The following ATP10B variants were observed in gnomAD, a reference collection of about 807,000 sequenced individuals.
The protein encoded by ATP10B is phospholipid-transporting ATPase VB.
In ATP10B, 122 loss-of-function variants were observed where a neutral mutation model predicts 141.2. The ratio of observed to expected loss-of-function variants is 0.86; its 90% confidence interval spans 0.75 to 1.00. The LOEUF is 1.00. Among genes scored for constraint, ATP10B ranks in the 50% least tolerant of loss-of-function variants. The probability of loss-of-function intolerance (pLI) is 0.00; values close to 1 mark genes in which losing one functional copy is unlikely to be tolerated. For synonymous variants in ATP10B, 685 were observed against 692.0 expected, an observed-to-expected ratio of 0.99 and a Z score of 0.16; for missense variants, 1,876 against 1,825.3, an observed-to-expected ratio of 1.03 and a Z score of -0.51.
intron 1 of ATP10B, among the ~76,000 whole-genome samples, chr5:160,792,595 C>T (rs1008262009): frequency 2.0e-5 from 3 of 152,106 alleles, no homozygotes; most frequent in African/African-American, 4.8e-5. Context: ...TCACCTTGGA[C>T]CCAGAGATGG....
chr5:160,748,690 G>A (rs559569532), intron 2 of ATP10B, among the ~76,000 whole-genome samples: 24 of 152,278 alleles, frequency 1.6e-4, no homozygotes, highest in African/African-American at 5.3e-4. Flanking sequence ...TCACAGGCAG[G>A]ATTTTTTTCC....
chr5:160,634,893 A>G (rs1339835158), intron 11 of ATP10B, among the ~76,000 whole-genome samples: 1 of 151,972 alleles, frequency 6.6e-6, no homozygotes, highest in Non-Finnish European at 1.5e-5. Context: ...GAGTCCTCTG[A>G]CTCCCTTTAG....
chr5:160,629,867 C>T (rs1278150495), intron 13 of ATP10B, among the ~76,000 whole-genome samples: 2 of 152,156 alleles, frequency 1.3e-5, no homozygotes, highest in African/African-American at 2.4e-5. Context: ...GGAAGTTAGC[C>T]TGCAGGTCAG....
intron 1 of ATP10B, among the ~76,000 whole-genome samples, chr5:160,793,509 T>C (rs1364807122): frequency 1.3e-5 from 2 of 152,212 alleles, no homozygotes; most frequent in Non-Finnish European, 2.9e-5. Context: ...CTAAATAACA[T>C]CTTGATCAAC....
chr5:160,913,247 T>C, the ATP10B span, among the ~76,000 whole-genome samples: 3 of 152,172 alleles, frequency 2.0e-5, no homozygotes, highest in African/African-American at 7.2e-5. Context: ...TGAACCACAC[T>C]GTGAAACTCA....
chr5:160,636,687 C>T (rs560425931), intron 10 of ATP10B, among the ~76,000 whole-genome samples: 2 of 151,946 alleles, frequency 1.3e-5, no homozygotes, highest in Non-Finnish European at 2.9e-5. Flanking sequence ...GAGACCTGTC[C>T]CCTAGTCTTC....
At chr5:160,625,339 A>T (rs1187088265) in intron 13 of ATP10B, among the ~76,000 whole-genome samples, 3 of 152,184 alleles carry the variant, frequency 2.0e-5, no homozygotes, top group African/African-American at 7.2e-5. Context: ...TGTATATCTA[A>T]TCCTTAAGGC....
chr5:160,726,273 G>A (rs781138179), intron 2 of ATP10B, among the ~76,000 whole-genome samples: 1 of 152,196 alleles, frequency 6.6e-6, no homozygotes, highest in Admixed American at 6.5e-5. Flanking sequence ...TGCCTGGCAT[G>A]CAAGCCCAGC....
At chr5:160,755,372 C>T (rs1768452067) in intron 2 of ATP10B, among the ~76,000 whole-genome samples, 2 of 152,118 alleles carry the variant, frequency 1.3e-5, no homozygotes, top group African/African-American at 4.8e-5. Context: ...CAAACAATAT[C>T]AGTGTCATTA....
chr5:160,827,910 C>T (rs1000759597), intron 1 of ATP10B, among the ~76,000 whole-genome samples: 3 of 152,042 alleles, frequency 2.0e-5, no homozygotes, highest in Non-Finnish European at 4.4e-5. Context: ...AGATATGTGG[C>T]GTTATTTCTG....
At chr5:160,834,755 T>C (rs1294371110) in intron 1 of ATP10B, among the ~76,000 whole-genome samples, 1 of 152,154 alleles carries the variant, frequency 6.6e-6, no homozygotes, top group East Asian at 1.9e-4. Flanking sequence ...CCTTGTGGTA[T>C]ACGTTTCTTC....
intron 24 of ATP10B, among the ~76,000 whole-genome samples, chr5:160,579,529 TCTGTTTTGGTACCAGTACCATG>T (rs1451865322): frequency 1.3e-5 from 2 of 152,178 alleles, no homozygotes; most frequent in African/African-American, 4.8e-5. Flanking sequence ...GGTTTATATA[TCTGTTTTGGTACCAGTACCATG>T]CTGTTTTGGT....
the ATP10B span, among the ~76,000 whole-genome samples, chr5:160,893,622 GAAGACTTAAAT>G: frequency 5.9e-5 from 9 of 152,352 alleles, no homozygotes; most frequent in East Asian, 1.7e-3. Flanking sequence ...TGCAGCTTCA[GAAGACTTAAAT>G]ATTCCTGCCT....
intron 10 of ATP10B, among the ~76,000 whole-genome samples, chr5:160,637,406 G>T (rs1759500419): frequency 6.6e-6 from 1 of 152,072 alleles, no homozygotes; most frequent in African/African-American, 2.4e-5. Context: ...ATTAATTCAA[G>T]AAGTTAGTAC....
In ATP10B at chr5:160,838,145, T is replaced by C. The variant is rs140283222; in HGVS notation, c.-576+13796A>G. Among the ~76,000 whole-genome samples the C allele has an allele frequency of 2.9e-3, 437 of 152,320 alleles. 1 individual carries two copies. The highest frequency in any genetic ancestry group is 9.0e-3 in the African/African-American group (376 of 41,572). On this transcript the variant is annotated intron_variant, in intron 1 of 25. Coordinates refer to ENST00000327245, the MANE Select transcript of ATP10B (RefSeq NM_025153.3). ...CATGACGCCTCTCTTCTCTGCTTTA[T>C]GTAGCATGAAGTTGGAAAACTACAT...
intron 1 of ATP10B, among the ~76,000 whole-genome samples, chr5:160,794,269 A>G (rs1771793762): frequency 2.0e-5 from 3 of 152,114 alleles, no homozygotes; most frequent in Admixed American, 2.0e-4. Context: ...CAGGATGGTG[A>G]ATGTCTACTG....
intron 7 of ATP10B, among the ~76,000 whole-genome samples, chr5:160,664,807 G>A (rs1762221859): frequency 6.6e-6 from 1 of 152,164 alleles, no homozygotes; most frequent in Non-Finnish European, 1.5e-5. Flanking sequence ...CCAGGGACAT[G>A]TTTGATCTGA....
At position 160,563,255 on chromosome 5, in the gene ATP10B, C is replaced by A. The variant is rs925783372; in HGVS notation, c.*2198G>T. On this transcript the variant is annotated 3_prime_UTR_variant, in exon 26 of 26. Coordinates refer to ENST00000327245, the MANE Select transcript of ATP10B (RefSeq NM_025153.3). ...TGTTATAGGGGAATAGTGGTTATAA[C>A]TTTTCCCTGTAAGATGGCACATTGG... 2 of 152,132 alleles carry A rather than the reference C, an allele frequency of 1.3e-5. No individual in the cohort carries two copies. The highest frequency in any genetic ancestry group is 4.8e-5 in the African/African-American group (2 of 41,428). The allele number at this position is 152,132 out of a possible 1,614,324, so 9.4% of individuals were successfully genotyped here.
chr5:160,846,286 T>A (rs557310480), intron 1 of ATP10B, among the ~76,000 whole-genome samples: 41 of 152,234 alleles, frequency 2.7e-4, no homozygotes, highest in African/African-American at 9.4e-4. Flanking sequence ...AGGTACCAAT[T>A]TGGGTATTGT....
Sources: gnomAD v4.1 joint callset for allele counts (sites outside exome capture counted in the v4.1 genomes callset) on GRCh38, gnomAD v4.1.1 for gene constraint, MANE v1.5 for transcripts, NCBI Gene and HGNC (gene_info 2026-07-23, HGNC 2026-07-21) for gene names.